Variants in ZC3H18 observed in about 807,000 individuals in gnomAD.
The protein encoded by ZC3H18 is zinc finger CCCH-type containing 18, also known as zinc finger CCCH domain-containing protein 18.
Under a neutral mutation model 106.1 loss-of-function variants are expected in ZC3H18, and 8 were observed. The ratio of observed to expected loss-of-function variants is 0.08; its 90% confidence interval spans 0.04 to 0.14. The LOEUF (loss-of-function observed/expected upper bound fraction) is 0.14, where lower values mean the gene tolerates loss of function less well. Among genes scored for constraint, ZC3H18 ranks in the 10% least tolerant of loss-of-function variants. The pLI is 1.00. For missense variants in ZC3H18, 1,318 were observed against 1,278.4 expected, an observed-to-expected ratio of 1.03 and a Z score of -0.47; for synonymous variants, 635 against 522.1, an observed-to-expected ratio of 1.22 and a Z score of -2.95.
chr16:88,579,306 G>A (rs1914962453), intron 2 of ZC3H18, among the ~76,000 whole-genome samples: 1 of 152,176 alleles, frequency 6.6e-6, no homozygotes, highest in African/African-American at 2.4e-5. Flanking sequence ...TTGGGTTGAG[G>A]ATGCCCATGA....
At chr16:88,592,226 A>G (rs542274260) in intron 3 of ZC3H18, among the ~76,000 whole-genome samples, 1 of 152,222 alleles carries the variant, frequency 6.6e-6, no homozygotes. Flanking sequence ...AGTGGGTAGG[A>G]GGTAATATCT....
At chr16:88,589,482 G>C (rs768689921) in intron 3 of ZC3H18, among the ~76,000 whole-genome samples, 2 of 152,398 alleles carry the variant, frequency 1.3e-5, no homozygotes, top group Middle Eastern at 3.4e-3. Flanking sequence ...TGGCCATAAA[G>C]GGAATGAAGC....
chr16:88,610,016 T>G (rs1358003499), intron 7 of ZC3H18, among the ~76,000 whole-genome samples: 4 of 152,076 alleles, frequency 2.6e-5, no homozygotes, highest in African/African-American at 9.7e-5. Context: ...TGATCCCGTT[T>G]AGGATGTGGC....
At chr16:88,625,172 C>T in intron 12 of ZC3H18, 30 bp from the exon 13 acceptor site, 1 of 1,559,958 alleles carries the variant, frequency 6.4e-7, no homozygotes. Flanking sequence ...AGGCCACGCC[C>T]CCTGAGCCCC....
intron 6 of ZC3H18, among the ~76,000 whole-genome samples, chr16:88,606,839 T>C (rs149218797): frequency 5.6e-4 from 86 of 152,280 alleles, no homozygotes; most frequent in African/African-American, 2.0e-3. Flanking sequence ...TTCTAGGCCA[T>C]GTGGAGAGTT....
At chr16:88,606,002 T>G (rs752843638) in intron 6 of ZC3H18, among the ~76,000 whole-genome samples, 34 of 152,356 alleles carry the variant, frequency 2.2e-4, no homozygotes, top group Admixed American at 6.5e-4. Flanking sequence ...TCCACGTGTG[T>G]GCACAGGACA....
At chr16:88,571,590 C>G in intron 1 of ZC3H18, 1 of 985,196 alleles carries the variant, frequency 1.0e-6, no homozygotes, top group Non-Finnish European at 1.2e-6. Flanking sequence ...TGTCCCAAAG[C>G]CGGAAACTCC....
intron 8 of ZC3H18, among the ~76,000 whole-genome samples, chr16:88,611,741 A>G (rs1476838225): frequency 6.6e-6 from 1 of 152,222 alleles, no homozygotes; most frequent in African/African-American, 2.4e-5. Context: ...AGGCCGTGAC[A>G]TCTGCCCTGA....
chr16:88,614,663 C>T (rs1026951157), intron 8 of ZC3H18, among the ~76,000 whole-genome samples: 1 of 152,220 alleles, frequency 6.6e-6, no homozygotes, highest in African/African-American at 2.4e-5. Context: ...GTTTTTAATC[C>T]TTTTATGTTA....
At chr16:88,608,074 ATTGT>A (rs1450883257) in intron 6 of ZC3H18, among the ~76,000 whole-genome samples, 3 of 151,896 alleles carry the variant, frequency 2.0e-5, no homozygotes, top group East Asian at 1.9e-4. Flanking sequence ...AAGTTTCTTC[ATTGT>A]TTGTTTGAAT....
chr16:88,614,691 T>C (rs1267360417), intron 8 of ZC3H18, among the ~76,000 whole-genome samples: 1 of 152,264 alleles, frequency 6.6e-6, no homozygotes. Flanking sequence ...CTCTAAGTTA[T>C]TTTGAAGTTT....
In ZC3H18 at chr16:88,624,070, C is replaced by G; in HGVS notation, c.1898+8C>G. The G allele has an allele frequency of 6.2e-7, 1 of 1,605,356 alleles. No homozygotes were observed. Among genetic ancestry groups the G allele is most frequent in the Non-Finnish European group, 8.5e-7 (1 of 1,175,890 alleles). On this transcript the variant is annotated splice_region_variant and intron_variant, in intron 11 of 17. Coordinates refer to ENST00000301011, the MANE Select transcript of ZC3H18 (RefSeq NM_144604.4). ...GCCGCCCGGGAAAGCAGGGTGAGTGCCCAGCCTGTGGGCAAGTCCTGGCCG... is the reference window on the plus strand; with the variant it reads ...GCCGCCCGGGAAAGCAGGGTGAGTGGCCAGCCTGTGGGCAAGTCCTGGCCG...
rs745415616 is a variant in ZC3H18, at chr16:88,598,286, C to T, written c.797C>T (p.Pro266Leu). 13 of 1,610,514 alleles carry T rather than the reference C, an allele frequency of 8.1e-6. No homozygotes were observed. The highest frequency in any genetic ancestry group is 4.5e-5 in the East Asian group (2 of 44,866). ...GACCCCTTCCCGCCTAATGGTGCCC[C>T]GCCTCTCGGACCTCACCCGCTGATG... ...KADPFPPNGA[P>L]PLGPHPLMPA... Residue 266 changes from proline to leucine, a missense_variant, in exon 4 of 18, where the codon CCG (proline) becomes CTG (leucine). Pro to Leu is a moderately conservative substitution (Grantham distance 98). Coordinates refer to ENST00000301011, the MANE Select transcript of ZC3H18 (RefSeq NM_144604.4).
At chr16:88,580,085 T>C (rs1915014645) in intron 2 of ZC3H18, among the ~76,000 whole-genome samples, 1 of 152,140 alleles carries the variant, frequency 6.6e-6, no homozygotes, top group African/African-American at 2.4e-5. Context: ...CCATCCTTTA[T>C]GTGTCAACCT....
chr16:88,601,523 G>A (rs1435479364), intron 6 of ZC3H18, among the ~76,000 whole-genome samples: 3 of 152,020 alleles, frequency 2.0e-5, no homozygotes, highest in Non-Finnish European at 1.5e-5. Context: ...TTTTTGGAGT[G>A]CCCTCTGTGT....
intron 6 of ZC3H18, among the ~76,000 whole-genome samples, chr16:88,601,674 G>C (rs1480719670): frequency 6.6e-6 from 1 of 152,114 alleles, no homozygotes; most frequent in Non-Finnish European, 1.5e-5. Flanking sequence ...TTAAAGTCTC[G>C]GCAGTCAGGG....
In ZC3H18 at chr16:88,599,914, A is replaced by C; in HGVS notation, c.1054A>C (p.Asn352His). 6.2e-7 allele frequency: 1 copy of C among 1,614,182 alleles called. No individual in the cohort carries two copies. The highest frequency in any genetic ancestry group is 8.5e-7 in the Non-Finnish European group (1 of 1,180,024). The change falls in exon 6 of 18, where the codon AAT becomes CAT. Residue 352 changes from asparagine to histidine, a missense_variant. This residue lies in a region of ZC3H18 where 848 missense variants were observed against 821.7 expected (regional missense o/e 1.03). Transcript: ENST00000301011. ...AGAAAATGAAGTTTTTCGAGATTGG[A>C]ATTCTCGGATCCCGAGAGATGTCAG... is the stretch of plus-strand genomic sequence containing the variant. ...DKENEVFRDW[N>H]SRIPRDVRDT...
intron 3 of ZC3H18, among the ~76,000 whole-genome samples, chr16:88,587,244 G>A (rs1915491843): frequency 6.6e-6 from 1 of 152,198 alleles, no homozygotes; most frequent in African/African-American, 2.4e-5. Flanking sequence ...AAAAGTCTGG[G>A]CTGACCCATT....
At position 88,627,750 on chromosome 16, in the gene ZC3H18, C is replaced by T. The variant is rs748260286; in HGVS notation, c.2237C>T (p.Ser746Phe). The T allele has an allele frequency of 1.2e-6, 2 of 1,612,698 alleles. No homozygotes were observed. The highest frequency in any genetic ancestry group is 1.7e-5 in the Admixed American group (1 of 59,994). ...CCCGTGTCCTCAGCCAGCTCTCGGT[C>T]CCCGGCCCCAGCCCAGACCAGGAAG... ...ASPVSSASSR[S>F]PAPAQTRKEK... Residue 746 changes from serine to phenylalanine, a missense_variant, in exon 14 of 18, where the codon TCC becomes TTC. This residue lies in a region of ZC3H18 where 848 missense variants were observed against 821.7 expected (regional missense o/e 1.03). Coordinates refer to ENST00000301011, the MANE Select transcript of ZC3H18 (RefSeq NM_144604.4). The surrounding 1 kb of genome is among the most constrained non-coding windows in gnomAD (Gnocchi z 4.5).
Sources: gnomAD v4.1 joint callset for allele counts (sites outside exome capture counted in the v4.1 genomes callset) on GRCh38, gnomAD v4.1.1 for gene constraint, gnomAD v4.1.1 regional missense constraint, Gnocchi (gnomAD v3.1) non-coding constraint, MANE v1.5 for transcripts, NCBI Gene and HGNC (gene_info 2026-07-23, HGNC 2026-07-21) for gene names.